The following CTIF variants were observed in gnomAD, a reference collection of about 807,000 sequenced individuals.
CTIF encodes the protein CBP80/20-dependent translation initiation factor.
A neutral mutation model predicts 66.0 loss-of-function variants in CTIF; 21 were observed. That is an observed-to-expected ratio of 0.32 (90% CI 0.23 to 0.46). The LOEUF (loss-of-function observed/expected upper bound fraction) is 0.46. Ranked by LOEUF, CTIF falls within the 20% of genes least tolerant of loss-of-function variation. The pLI is 1.00. For synonymous variants in CTIF, 345 were observed against 326.4 expected (o/e 1.06, Z -0.62); for missense variants, 739 against 812.7 (o/e 0.91, Z 1.10).
Position 48,757,900 on chromosome 18 carries a change from T to G in CTIF, c.585-19T>G, listed in dbSNP as rs1335494370. 6 of 1,601,970 alleles carry G rather than the reference T, an allele frequency of 3.7e-6. No individual in the cohort carries two copies. Among genetic ancestry groups the G allele is most frequent in the Non-Finnish European group, 5.1e-6 (6 of 1,172,836 alleles). On this transcript the variant is annotated intron_variant, in intron 7 of 11. Coordinates refer to ENST00000256413, the MANE Select transcript of CTIF (RefSeq NM_014772.3). ...CCGCCCAGTGATCGCCTTCTCTGTC[T>G]TTCCTCTTCCGTTTGCAGGCGGCAG...
chr18:48,825,958 T>C (rs2068574482), intron 10 of CTIF: 1 of 152,168 alleles, frequency 6.6e-6, no homozygotes, highest in Non-Finnish European at 1.5e-5. Context: ...GCATCCTAGG[T>C]GCATTCAGTG....
At chr18:48,717,549 A>G (rs1440208655) in intron 7 of CTIF, among the ~76,000 whole-genome samples, 1 of 152,130 alleles carries the variant, frequency 6.6e-6, no homozygotes, top group South Asian at 2.1e-4. Flanking sequence ...AACATCATCT[A>G]AGTCACTGAT....
chr18:48,543,909 C>T (rs2088684913), intron 1 of CTIF, among the ~76,000 whole-genome samples: 1 of 152,180 alleles, frequency 6.6e-6, no homozygotes, highest in Non-Finnish European at 1.5e-5. Context: ...ACTGGCCCTT[C>T]CTGCCTTATC....
chr18:48,770,122 G>A (rs1374248736), intron 9 of CTIF, among the ~76,000 whole-genome samples: 2 of 152,186 alleles, frequency 1.3e-5, no homozygotes, highest in African/African-American at 2.4e-5. Flanking sequence ...GAAAATAAGC[G>A]AGGAAAGAAA....
chr18:48,821,051 T>C (rs763076044), intron 10 of CTIF, among the ~76,000 whole-genome samples: 6 of 152,124 alleles, frequency 3.9e-5, no homozygotes, highest in Non-Finnish European at 7.4e-5. Flanking sequence ...AATTAACCAT[T>C]CTTTAAGTTA....
rs561754585 is a variant in CTIF at position 48,783,813 on chromosome 18, C to T, written c.1371+22124C>T. Among the ~76,000 whole-genome samples the T allele has an allele frequency of 3.3e-5, 5 of 152,200 alleles. No homozygotes were observed. In the East Asian group the frequency reaches 7.7e-4, roughly 23 times the overall value. On this transcript the variant is annotated intron_variant, in intron 9 of 11. Coordinates refer to ENST00000256413, the MANE Select transcript of CTIF (RefSeq NM_014772.3). ...CCTGCGGAGGCTGCCTCCAGGCAAGCGCTGCCTGCCGACCACCGCCCTCTG... is the reference window on the plus strand; with the variant it reads ...CCTGCGGAGGCTGCCTCCAGGCAAGTGCTGCCTGCCGACCACCGCCCTCTG...
intron 10 of CTIF, among the ~76,000 whole-genome samples, chr18:48,848,120 C>T (rs558422018): frequency 1.3e-5 from 2 of 152,202 alleles, no homozygotes; most frequent in Admixed American, 1.3e-4. Flanking sequence ...TCCCCCTGTC[C>T]CCTTTGTCTC....
intron 5 of CTIF, among the ~76,000 whole-genome samples, chr18:48,666,956 A>G (rs1173155124): frequency 1.3e-5 from 2 of 152,146 alleles, no homozygotes; most frequent in African/African-American, 4.8e-5. Flanking sequence ...TCCTGTTGCA[A>G]CAGTGTAGCG....
chr18:48,583,539 A>G (rs1008416674), intron 1 of CTIF, among the ~76,000 whole-genome samples: 1 of 152,144 alleles, frequency 6.6e-6, no homozygotes, highest in Non-Finnish European at 1.5e-5. Flanking sequence ...CCCTCCTGCT[A>G]TGCACTCTCC....
At chr18:48,853,245 T>C (rs1431131268) in intron 10 of CTIF, among the ~76,000 whole-genome samples, 1 of 152,010 alleles carries the variant, frequency 6.6e-6, no homozygotes, top group East Asian at 1.9e-4. Context: ...GTATATAATA[T>C]GTCAGGGGCC....
rs57715945 is a variant in CTIF, at chr18:48,669,793, TTATATATATATATA to T, written c.432-841_432-828del. Among the ~76,000 whole-genome samples, 124 of 47,260 alleles carry T rather than the reference TTATATATATATATA, an allele frequency of 2.6e-3. 1 individual carries two copies. The highest frequency in any genetic ancestry group is 7.9e-3 in the African/African-American group (94 of 11,866). The allele number at this position is 47,260 out of a possible 152,430, so 31.0% of individuals were successfully genotyped here. On this transcript the variant is annotated intron_variant, in intron 5 of 11. Transcript: ENST00000256413. ...ATTTATAAACAAACAAGCTAAACAT[TTATATATATATATA>T]TATATATATATATATATATATATAT...
chr18:48,548,817 C>G (rs2088816205), intron 1 of CTIF, among the ~76,000 whole-genome samples: 1 of 152,202 alleles, frequency 6.6e-6, no homozygotes, highest in Non-Finnish European at 1.5e-5. Flanking sequence ...GTGGGTCTGG[C>G]TCTAGGAGTG....
intron 9 of CTIF, among the ~76,000 whole-genome samples, chr18:48,773,607 G>A (rs1321034511): frequency 1.3e-5 from 2 of 152,220 alleles, no homozygotes; most frequent in African/African-American, 2.4e-5. Context: ...GGGCATCTTC[G>A]AACCAGAGCC....
chr18:48,625,298 T>G (rs2090573869), intron 2 of CTIF: 1 of 772,022 alleles, frequency 1.3e-6, no homozygotes, highest in East Asian at 1.3e-4. Flanking sequence ...TATTTTCCCC[T>G]TATTTAAAAA....
intron 1 of CTIF, among the ~76,000 whole-genome samples, chr18:48,544,529 G>A (rs532941326): frequency 5.8e-4 from 89 of 152,298 alleles, no homozygotes; most frequent in Middle Eastern, 3.4e-3. Context: ...ACTCATATTC[G>A]GCCACAGAGC....
chr18:48,754,006 G>A (rs527315688), intron 7 of CTIF, among the ~76,000 whole-genome samples: 11 of 152,342 alleles, frequency 7.2e-5, no homozygotes, highest in South Asian at 6.2e-4. Flanking sequence ...GCCAACGACC[G>A]CTGACAAATA....
At chr18:48,652,494 A>G (rs2091174829) in intron 3 of CTIF, among the ~76,000 whole-genome samples, 1 of 152,248 alleles carries the variant, frequency 6.6e-6, no homozygotes, top group African/African-American at 2.4e-5. Flanking sequence ...AATAATGAAT[A>G]GCCTACCAAC....
chr18:48,557,170 A>G (rs1023179394), intron 1 of CTIF, among the ~76,000 whole-genome samples: 6 of 151,910 alleles, frequency 3.9e-5, no homozygotes, highest in African/African-American at 1.5e-4. Context: ...GGACAGGAGG[A>G]TGGTGGGGAA....
Position 48,782,429 on chromosome 18 carries a change from C to G in CTIF, c.1371+20740C>G, listed in dbSNP as rs186291331. Among the ~76,000 whole-genome samples, 453 of 152,332 alleles carry G rather than the reference C, an allele frequency of 3.0e-3. 2 individuals carry two copies. In the Middle Eastern group the frequency reaches 0.041, roughly 14 times the overall value. On this transcript the variant is annotated intron_variant, in intron 9 of 11. Coordinates refer to ENST00000256413, the MANE Select transcript of CTIF (RefSeq NM_014772.3). ...AGGAAGCCAGGTCCCCCTGTCCCCC[C>G]ACCCGCTCCCCATCCTGACCTGGAA... is the stretch of plus-strand genomic sequence containing the variant.
Sources: gnomAD v4.1 joint callset for allele counts (sites outside exome capture counted in the v4.1 genomes callset) on GRCh38, gnomAD v4.1.1 for gene constraint, MANE v1.5 for transcripts, NCBI Gene and HGNC (gene_info 2026-07-23, HGNC 2026-07-21) for gene names.